Variants in ARFGEF3 observed in about 807,000 individuals in gnomAD.
ARFGEF3 encodes brefeldin A-inhibited guanine nucleotide-exchange protein 3.
A neutral mutation model predicts 221.7 loss-of-function variants in ARFGEF3; 96 were observed. The observed-to-expected ratio is 0.43, with a 90% CI of 0.37 to 0.51. The LOEUF is 0.51. Ranked by LOEUF, ARFGEF3 falls within the 20% of genes least tolerant of loss-of-function variation. The pLI, the probability that ARFGEF3 is intolerant of heterozygous loss-of-function variation, is 0.00. For synonymous variants in ARFGEF3, 1,145 were observed against 1,126.8 expected, an observed-to-expected ratio of 1.02 and a Z score of -0.32; for missense variants, 2,410 against 2,789.9, an observed-to-expected ratio of 0.86 and a Z score of 3.07.
rs1442864780 is a variant in ARFGEF3 at position 138,341,663 on chromosome 6, C to A, written c.*5177C>A. 6.6e-6 allele frequency: 1 copy of A among 152,144 alleles called. No homozygotes were observed. The highest frequency in any genetic ancestry group is 6.6e-5 in the Admixed American group (1 of 15,266). 9.4% of individuals were successfully genotyped at this position (152,144 alleles called of 1,614,324 possible). ...AGTTCTCATTTAGTAGTGGAGCAATCTAGAAAACATACCTTTTTTGTTTGT... is the reference window on the plus strand; with the variant it reads ...AGTTCTCATTTAGTAGTGGAGCAATATAGAAAACATACCTTTTTTGTTTGT... On this transcript the variant is annotated 3_prime_UTR_variant, in exon 34 of 34. Transcript: ENST00000251691.
chr6:138,315,708 A>G (rs1015376733), intron 26 of ARFGEF3, among the ~76,000 whole-genome samples: 1 of 151,934 alleles, frequency 6.6e-6, no homozygotes, highest in Non-Finnish European at 1.5e-5. Flanking sequence ...AAATTAGTCA[A>G]GCGTGGTGGG....
intron 2 of ARFGEF3, among the ~76,000 whole-genome samples, chr6:138,184,691 C>G (rs2114455210): frequency 1.3e-5 from 2 of 152,316 alleles, no homozygotes; most frequent in East Asian, 3.9e-4. Flanking sequence ...ATTCTGGTGT[C>G]TGAAATAAGA....
At chr6:138,234,389 G>A (rs1168439010) in intron 5 of ARFGEF3, among the ~76,000 whole-genome samples, 1 of 152,136 alleles carries the variant, frequency 6.6e-6, no homozygotes, top group Non-Finnish European at 1.5e-5. Flanking sequence ...CATCCAAAAG[G>A]AAAACTAGCA....
chr6:138,195,906 C>T (rs1777408390), intron 2 of ARFGEF3, among the ~76,000 whole-genome samples: 1 of 148,448 alleles, frequency 6.7e-6, no homozygotes, highest in Non-Finnish European at 1.5e-5. Context: ...CATTTCACGG[C>T]AGGAAGTTGT....
intron 12 of ARFGEF3, among the ~76,000 whole-genome samples, chr6:138,266,581 G>A (rs1467822142): frequency 6.6e-6 from 1 of 152,094 alleles, no homozygotes; most frequent in Non-Finnish European, 1.5e-5. Flanking sequence ...TGGGTGCGGT[G>A]GCTCACACCT....
At chr6:138,228,876 C>T (rs189106679) in intron 4 of ARFGEF3, among the ~76,000 whole-genome samples, 91 of 152,348 alleles carry the variant, frequency 6.0e-4, no homozygotes, top group African/African-American at 2.0e-3. Flanking sequence ...AAGGAGCAGA[C>T]ACCAGCACCT....
chr6:138,321,575 G>A (rs903067590), intron 29 of ARFGEF3, among the ~76,000 whole-genome samples: 1 of 152,190 alleles, frequency 6.6e-6, no homozygotes, highest in Non-Finnish European at 1.5e-5. Context: ...CCAAAAGACA[G>A]GTAATAACAA....
intron 5 of ARFGEF3, among the ~76,000 whole-genome samples, chr6:138,235,980 G>A (rs866390595): frequency 6.6e-6 from 1 of 152,026 alleles, no homozygotes. Flanking sequence ...TATAGTATTA[G>A]CAACTAAACA....
intron 5 of ARFGEF3, among the ~76,000 whole-genome samples, chr6:138,232,539 T>C (rs1425229831): frequency 6.6e-6 from 1 of 152,200 alleles, no homozygotes; most frequent in African/African-American, 2.4e-5. Flanking sequence ...AATGAGTGTT[T>C]GCTGGTTTGA....
rs899853737 is a variant in ARFGEF3 at position 138,342,597 on chromosome 6, C to T, written c.*6111C>T. The T allele has an allele frequency of 1.3e-5, 2 of 152,150 alleles. No individual in the cohort carries two copies. The highest frequency in any genetic ancestry group is 2.9e-5 in the Non-Finnish European group (2 of 68,024). The allele number at this position is 152,150 out of a possible 1,614,324, so 9.4% of individuals were successfully genotyped here. A position where few individuals can be genotyped will look rare whatever the true frequency, so the allele number is the denominator to read the frequency against. On this transcript the variant is annotated 3_prime_UTR_variant, in exon 34 of 34. Transcript: ENST00000251691. ...GATGATCATTTGTATCATGTTGACC[C>T]TTTGACTTGTACTGAAGGTGATTTT...
In ARFGEF3 at chr6:138,291,707, C is replaced by G; in HGVS notation, c.3048-26C>G. 7.6e-7 allele frequency: 1 copy of G among 1,310,966 alleles called. No homozygotes were observed. Among genetic ancestry groups the G allele is most frequent in the Non-Finnish European group, 9.8e-7 (1 of 1,021,666 alleles). 81.2% of individuals were successfully genotyped at this position (1,310,966 alleles called of 1,614,324 possible). On this transcript the variant is annotated intron_variant, in intron 18 of 33. Coordinates refer to ENST00000251691, the MANE Select transcript of ARFGEF3 (RefSeq NM_020340.5). The surrounding 1 kb of genome is among the most constrained non-coding windows in gnomAD (Gnocchi z 4.5). Reference sequence around the variant, plus strand: ...TGCCGGGGTGAGCTGCAGCGCCTAACAGCTGCTTGTCTGTGCTCTTTCTAG... The same window carrying G: ...TGCCGGGGTGAGCTGCAGCGCCTAAGAGCTGCTTGTCTGTGCTCTTTCTAG...
chr6:138,298,367 A>C (rs1247766122), intron 21 of ARFGEF3, among the ~76,000 whole-genome samples: 3 of 152,230 alleles, frequency 2.0e-5, no homozygotes, highest in Non-Finnish European at 4.4e-5. Flanking sequence ...AAATTACCGG[A>C]AACTTTCCTT....
At chr6:138,220,868 A>G (rs778233439) in intron 4 of ARFGEF3, among the ~76,000 whole-genome samples, 5 of 152,264 alleles carry the variant, frequency 3.3e-5, no homozygotes, top group African/African-American at 7.2e-5. Context: ...GCCTTGCCAT[A>G]TAAACACAGC....
At chr6:138,279,266 C>T (rs1224030469) in intron 13 of ARFGEF3, among the ~76,000 whole-genome samples, 2 of 152,226 alleles carry the variant, frequency 1.3e-5, no homozygotes, top group Non-Finnish European at 2.9e-5. Context: ...AATCCTCCCA[C>T]CTTGCCCTCC....
At chr6:138,194,853 A>G (rs1777379829) in intron 2 of ARFGEF3, among the ~76,000 whole-genome samples, 1 of 152,118 alleles carries the variant, frequency 6.6e-6, no homozygotes, top group Non-Finnish European at 1.5e-5. Context: ...TGAAGTTAGC[A>G]TGGAGGAATT....
intron 11 of ARFGEF3, 93 bp from the exon 12 acceptor site, chr6:138,262,608 T>C: frequency 1.6e-6 from 2 of 1,256,750 alleles, no homozygotes; most frequent in Non-Finnish European, 2.2e-6. Flanking sequence ...TTTGAATACT[T>C]TGCTGTTTGC....
chr6:138,261,143 T>C (rs964808859), intron 10 of ARFGEF3, among the ~76,000 whole-genome samples: 2 of 152,186 alleles, frequency 1.3e-5, no homozygotes, highest in African/African-American at 4.8e-5. Context: ...CTTCTCCACC[T>C]AGTTTATGAA....
At chr6:138,241,184 T>G (rs1203324247) in intron 6 of ARFGEF3, among the ~76,000 whole-genome samples, 1 of 152,226 alleles carries the variant, frequency 6.6e-6, no homozygotes, top group East Asian at 1.9e-4. Flanking sequence ...ATTGTAACTT[T>G]AGATCCGCAA....
At position 138,289,859 on chromosome 6, in the gene ARFGEF3, G is replaced by A. The variant is rs1583051462; in HGVS notation, c.2938G>A (p.Val980Met). Reference protein sequence around the residue: ...VEQKLEQIGKVQGVWLHTAHV... With the variant: ...VEQKLEQIGKMQGVWLHTAHV... ...GCAGAAACTGGAGCAGATTGGGAAGGTGCAGGGGGTGTGGCTGCACACTGC... is the reference window on the plus strand; with the variant it reads ...GCAGAAACTGGAGCAGATTGGGAAGATGCAGGGGGTGTGGCTGCACACTGC... The change falls in exon 18 of 34, where the codon GTG (valine) becomes ATG (methionine). Residue 980 changes from valine (V) to methionine (M), a missense_variant. Val to Met is a conservative substitution (Grantham distance 21, BLOSUM62 1). Transcript: ENST00000251691. 1 of 1,614,000 alleles carries A rather than the reference G, an allele frequency of 6.2e-7. No individual in the cohort carries two copies. The highest frequency in any genetic ancestry group is 2.2e-5 in the East Asian group (1 of 44,884).
Sources: gnomAD v4.1 joint callset for allele counts (sites outside exome capture counted in the v4.1 genomes callset) on GRCh38, gnomAD v4.1.1 for gene constraint, Gnocchi (gnomAD v3.1) non-coding constraint, MANE v1.5 for transcripts, NCBI Gene and HGNC (gene_info 2026-07-23, HGNC 2026-07-21) for gene names.